The following SLC25A13 variants were observed in gnomAD, a reference collection of about 807,000 sequenced individuals.
SLC25A13 encodes solute carrier family 25 member 13.
In SLC25A13, 70 loss-of-function variants were observed where a neutral mutation model predicts 85.5. The observed-to-expected ratio is 0.82, with a 90% CI of 0.68 to 1.00. The LOEUF (loss-of-function observed/expected upper bound fraction) is 1.00. SLC25A13 is among the 50% of genes least tolerant of loss of function. SLC25A13 has a pLI of 0.00. For missense variants in SLC25A13, 765 were observed against 819.8 expected (o/e 0.93, Z 0.82); for synonymous variants, 259 against 288.7 (o/e 0.90, Z 1.04).
intron 4 of SLC25A13, among the ~76,000 whole-genome samples, chr7:96,211,382 C>A (rs925580319): frequency 1.3e-5 from 2 of 152,032 alleles, no homozygotes; most frequent in African/African-American, 4.8e-5. Flanking sequence ...ATCCTATAGG[C>A]CTGTACTACC....
At chr7:96,230,911 C>T (rs1334658953) in intron 4 of SLC25A13, among the ~76,000 whole-genome samples, 1 of 152,182 alleles carries the variant, frequency 6.6e-6, no homozygotes, top group Non-Finnish European at 1.5e-5. Flanking sequence ...GAGTTCGAGA[C>T]CAGCTTCGCC....
intron 2 of SLC25A13, among the ~76,000 whole-genome samples, chr7:96,294,174 G>C (rs894293599): frequency 1.3e-4 from 19 of 151,210 alleles, no homozygotes; most frequent in Non-Finnish European, 2.4e-4. Flanking sequence ...GCAAACTATC[G>C]CAAGAACAAA....
chr7:96,191,965 C>T (rs1347162803), intron 6 of SLC25A13, among the ~76,000 whole-genome samples: 2 of 152,122 alleles, frequency 1.3e-5, no homozygotes, highest in African/African-American at 2.4e-5. Flanking sequence ...TTCTATCCTT[C>T]CCTAGCAAGG....
In SLC25A13 at chr7:96,298,320, T is replaced by C. The variant is rs576636897; in HGVS notation, c.16-1369A>G. Among the ~76,000 whole-genome samples the C allele has an allele frequency of 2.0e-5, 3 of 152,308 alleles. No homozygotes were observed. The South Asian group carries it at 6.2e-4, about 32-fold the overall frequency. On this transcript the variant is annotated intron_variant, in intron 1 of 17. Coordinates refer to ENST00000265631, the MANE Select transcript of SLC25A13 (RefSeq NM_014251.3). The stretch of plus-strand genomic sequence containing the variant: ...TATTAACTAATCACTAGAATGGGAG[T>C]AGTCTTTCTGAAACCAGATGGTTGG...
intron 1 of SLC25A13, among the ~76,000 whole-genome samples, chr7:96,302,693 C>G (rs1404719012): frequency 2.0e-5 from 3 of 152,140 alleles, no homozygotes; most frequent in Non-Finnish European, 4.4e-5. Flanking sequence ...AGAATAAAGT[C>G]TTTCAGGTCA....
chr7:96,190,994 T>C (rs1328582042), intron 7 of SLC25A13, 115 bp downstream of exon 7: 1 of 1,215,348 alleles, frequency 8.2e-7, no homozygotes, highest in Non-Finnish European at 1.2e-6. Context: ...CGTTATCATA[T>C]AGTTAATATG....
chr7:96,234,937 T>C lies in SLC25A13; in HGVS notation c.213-20A>G, dbSNP rs1225811892. ...ATTAATCTGCAACATAAAACAAACA[T>C]AAAGCAAAAGTCAGTAGCTTGTGGA... On this transcript the variant is annotated intron_variant, in intron 3 of 17. Transcript: ENST00000265631. The C allele has an allele frequency of 5.7e-6, 9 of 1,588,646 alleles. No homozygotes were observed. Among genetic ancestry groups the C allele is most frequent in the Non-Finnish European group, 6.9e-6 (8 of 1,158,022 alleles).
chr7:96,197,563 C>G (rs1024230363), intron 5 of SLC25A13, among the ~76,000 whole-genome samples: 1 of 152,142 alleles, frequency 6.6e-6, no homozygotes, highest in African/African-American at 2.4e-5. Context: ...AGGCTCACTA[C>G]TCATGGCAGA....
chr7:96,141,019 C>CTTTTTTTTTT (rs11433644), intron 14 of SLC25A13, among the ~76,000 whole-genome samples: 1 of 124,676 alleles, frequency 8.0e-6, no homozygotes. Context: ...TTTTTTCTTT[C>CTTTTTTTTTT]TTTTTTTTTT....
intron 4 of SLC25A13, among the ~76,000 whole-genome samples, chr7:96,227,377 T>C (rs1051984457): frequency 4.6e-5 from 7 of 152,202 alleles, no homozygotes; most frequent in Admixed American, 4.6e-4. Context: ...TACATATAGA[T>C]ATTATACATA....
At chr7:96,248,609 T>C (rs962879292) in intron 3 of SLC25A13, among the ~76,000 whole-genome samples, 2 of 152,288 alleles carry the variant, frequency 1.3e-5, no homozygotes, top group Admixed American at 6.5e-5. Context: ...GCTCCAAAAA[T>C]ATTCATCTGT....
In SLC25A13 at chr7:96,234,784, C is replaced by T. The variant is rs757458896; in HGVS notation, c.328+18G>A. On this transcript the variant is annotated intron_variant, in intron 4 of 17. Transcript: ENST00000265631. The stretch of plus-strand genomic sequence containing the variant: ...AAGTCCACACTTACACAGACGTGCA[C>T]AGAAGCATGCTTCTTACCAAAAGTT... The T allele has an allele frequency of 7.0e-6, 11 of 1,580,798 alleles. No individual in the cohort carries two copies. In the East Asian group the frequency reaches 2.5e-4, roughly 35 times the overall value.
At chr7:96,291,730 A>G (rs1799126743) in intron 2 of SLC25A13, among the ~76,000 whole-genome samples, 1 of 152,236 alleles carries the variant, frequency 6.6e-6, no homozygotes, top group African/African-American at 2.4e-5. Flanking sequence ...TAAACCAGGA[A>G]GAAGTTGAAT....
chr7:96,173,242 T>C (rs1425634281), intron 11 of SLC25A13, among the ~76,000 whole-genome samples: 1 of 152,182 alleles, frequency 6.6e-6, no homozygotes, highest in African/African-American at 2.4e-5. Flanking sequence ...TTAATGAAAA[T>C]TTTCTTTAAA....
intron 4 of SLC25A13, among the ~76,000 whole-genome samples, chr7:96,227,936 C>T (rs1031499021): frequency 4.6e-5 from 7 of 152,130 alleles, no homozygotes; most frequent in Non-Finnish European, 8.8e-5. Context: ...ATGATGTCGG[C>T]TCACTGTAAC....
intron 11 of SLC25A13, among the ~76,000 whole-genome samples, chr7:96,178,021 T>G (rs1425034350): frequency 6.6e-6 from 1 of 152,206 alleles, no homozygotes; most frequent in Non-Finnish European, 1.5e-5. Flanking sequence ...CTGCCCTGCC[T>G]GACCCTTGTA....
chr7:96,191,146 A>G lies in SLC25A13; in HGVS notation c.717T>C (p.Thr239=). The change falls in exon 7 of 18, where the codon ACT becomes ACC. Residue 239 remains threonine, a synonymous_variant. Coordinates refer to ENST00000265631, the MANE Select transcript of SLC25A13 (RefSeq NM_014251.3). ...NMELIRKIYS[T]LAGTRKDVEV... ...CAACATCTTTCCTGGTGCCAGCCAG[A>G]GTGCTATAGATCTTTCTAATGAGTT... The G allele has an allele frequency of 6.2e-7, 1 of 1,614,130 alleles. No individual in the cohort carries two copies. Among genetic ancestry groups the G allele is most frequent in the Non-Finnish European group, 8.5e-7 (1 of 1,180,004 alleles).
chr7:96,283,545 A>C (rs1798765389), intron 2 of SLC25A13: 1 of 356,696 alleles, frequency 2.8e-6, no homozygotes, highest in Admixed American at 2.9e-5. Context: ...AAAGTAGAGG[A>C]GTCTACAATG....
chr7:96,191,247 C>A lies in SLC25A13; in HGVS notation c.616G>T (p.Ala206Ser). The change falls in exon 7 of 18, where the codon GCT becomes TCT. Residue 206 changes from alanine (A) to serine (S), a missense_variant and splice_region_variant. Ala to Ser is a moderately conservative substitution (Grantham distance 99). Coordinates refer to ENST00000265631, the MANE Select transcript of SLC25A13 (RefSeq NM_014251.3). ...TGATGGGATGTGGTACCTCCAGCAG[C>A]CTCAAATAAATTGAAAACAAGAGAG... ...TPFVEECLVA[A>S]AGGTTSHQVS... 1 of 1,613,572 alleles carries A rather than the reference C, an allele frequency of 6.2e-7. No individual in the cohort carries two copies. Among genetic ancestry groups the A allele is most frequent in the Middle Eastern group, 1.6e-4 (1 of 6,062 alleles).
Sources: allele counts gnomAD v4.1 joint callset (sites outside exome capture counted in the v4.1 genomes callset), GRCh38; gene constraint gnomAD v4.1.1; transcripts MANE v1.5; gene names NCBI Gene and HGNC (gene_info 2026-07-23, HGNC 2026-07-21).